The following UST variants were observed in gnomAD, a reference collection of about 807,000 sequenced individuals.
UST encodes the protein uronyl 2-sulfotransferase.
UST carries 21 observed loss-of-function variants against 45.6 expected under a neutral mutation model. The observed-to-expected ratio is 0.46, with a 90% CI of 0.33 to 0.66. The LOEUF is 0.66. Among genes scored for constraint, UST ranks in the 30% least tolerant of loss-of-function variants. The pLI, the probability that UST is intolerant of heterozygous loss-of-function variation, is 0.02. For missense variants in UST, 463 were observed against 512.4 expected (o/e 0.90, Z 0.93); for synonymous variants, 215 against 200.6 (o/e 1.07, Z -0.61).
At chr6:148,818,527 A>G (rs562846597) in intron 1 of UST, among the ~76,000 whole-genome samples, 5 of 152,342 alleles carry the variant, frequency 3.3e-5, no homozygotes, top group African/African-American at 7.2e-5. Context: ...TGGTTCCAAC[A>G]TTTTAATGAG....
At chr6:148,882,699 G>A (rs1217353323) in intron 1 of UST, among the ~76,000 whole-genome samples, 1 of 152,102 alleles carries the variant, frequency 6.6e-6, no homozygotes, top group Non-Finnish European at 1.5e-5. Flanking sequence ...CAGCCTGTAT[G>A]GGTTTGAATT....
chr6:149,051,646 T>G (rs181495896), intron 7 of UST, among the ~76,000 whole-genome samples: 2 of 152,364 alleles, frequency 1.3e-5, no homozygotes, highest in East Asian at 1.9e-4. Context: ...GCACAGTTCC[T>G]GATCTCAGCA....
intron 2 of UST, among the ~76,000 whole-genome samples, chr6:148,915,847 G>T (rs915026707): frequency 6.6e-6 from 1 of 152,198 alleles, no homozygotes; most frequent in South Asian, 2.1e-4. Flanking sequence ...GTTTGCCCAA[G>T]AAGAAGCAGG....
chr6:148,849,615 A>G lies in UST; in HGVS notation c.248-37371A>G, dbSNP rs184239977. Reference sequence around the variant, plus strand: ...ACTGGGGAGGCCTCAGAAAACTACAATCATGGTGGAAGGTGCCTTTTTACA... The same window carrying G: ...ACTGGGGAGGCCTCAGAAAACTACAGTCATGGTGGAAGGTGCCTTTTTACA... On this transcript the variant is annotated intron_variant, in intron 1 of 7. Transcript: ENST00000367463. 2.6e-4 allele frequency among the ~76,000 whole-genome samples: 40 copies of G among 152,308 alleles called. 1 individual carries two copies. In the East Asian group the frequency reaches 7.1e-3, roughly 27 times the overall value.
chr6:148,929,810 G>C (rs1779888072), intron 2 of UST, among the ~76,000 whole-genome samples: 1 of 152,102 alleles, frequency 6.6e-6, no homozygotes, highest in Non-Finnish European at 1.5e-5. Context: ...CTGCTGTGTT[G>C]CTATGCTCAG....
At chr6:149,005,352 A>G in intron 5 of UST, 1 of 985,460 alleles carries the variant, frequency 1.0e-6, no homozygotes, top group Non-Finnish European at 1.2e-6. Context: ...TGTAGAGGAA[A>G]GAAGACTCCA....
At chr6:149,033,937 T>G (rs765910762) in intron 7 of UST, among the ~76,000 whole-genome samples, 1 of 152,194 alleles carries the variant, frequency 6.6e-6, no homozygotes, top group Non-Finnish European at 1.5e-5. Flanking sequence ...CCAATCACTT[T>G]CAGCGCAGCT....
intron 7 of UST, among the ~76,000 whole-genome samples, chr6:149,023,468 C>T (rs1776009409): frequency 6.6e-6 from 1 of 152,178 alleles, no homozygotes; most frequent in South Asian, 2.1e-4. Flanking sequence ...CATGAGAGAT[C>T]CCAAGCCAGG....
At chr6:148,829,224 C>T (rs1173198970) in intron 1 of UST, among the ~76,000 whole-genome samples, 1 of 152,118 alleles carries the variant, frequency 6.6e-6, no homozygotes, top group Non-Finnish European at 1.5e-5. Flanking sequence ...CCATGTTTCA[C>T]ATTGCTAGAG....
chr6:148,764,783 A>C (rs936512753), intron 1 of UST, among the ~76,000 whole-genome samples: 7 of 152,222 alleles, frequency 4.6e-5, no homozygotes, highest in Non-Finnish European at 8.8e-5. Flanking sequence ...GGTCAGGGCG[A>C]AACTAGAATC....
At chr6:148,776,708 C>T (rs1428734096) in intron 1 of UST, among the ~76,000 whole-genome samples, 1 of 152,014 alleles carries the variant, frequency 6.6e-6, no homozygotes, top group Non-Finnish European at 1.5e-5. Flanking sequence ...TTTTCTTTAA[C>T]CATTTGTTGG....
chr6:148,884,502 G>A (rs181329506), intron 1 of UST, among the ~76,000 whole-genome samples: 3 of 152,302 alleles, frequency 2.0e-5, no homozygotes, highest in African/African-American at 7.2e-5. Context: ...TTCTGGAAGA[G>A]GATAGAGCCA....
chr6:148,858,730 G>T (rs928646061), intron 1 of UST, among the ~76,000 whole-genome samples: 1 of 152,022 alleles, frequency 6.6e-6, no homozygotes, highest in Non-Finnish European at 1.5e-5. Flanking sequence ...TCCCACCTAT[G>T]AGTGAGAACA....
chr6:148,824,959 T>C (rs897702092), intron 1 of UST, among the ~76,000 whole-genome samples: 1 of 150,558 alleles, frequency 6.6e-6, no homozygotes. Flanking sequence ...GATAGTTTAC[T>C]GAGAATGATG....
At chr6:148,826,652 T>C (rs1018642945) in intron 1 of UST, among the ~76,000 whole-genome samples, 1 of 152,366 alleles carries the variant, frequency 6.6e-6, no homozygotes, top group Non-Finnish European at 1.5e-5. Context: ...ATTAGTTTTC[T>C]ATGCTGCTGT....
chr6:148,948,724 CAAGAA>C (rs1490451673), intron 3 of UST, among the ~76,000 whole-genome samples: 1 of 152,110 alleles, frequency 6.6e-6, no homozygotes, highest in African/African-American at 2.4e-5. Context: ...CAGCACATCA[CAAGAA>C]AAGAAGAAAA....
intron 2 of UST, among the ~76,000 whole-genome samples, chr6:148,906,294 G>T (rs1308681242): frequency 6.6e-6 from 1 of 152,188 alleles, no homozygotes; most frequent in African/African-American, 2.4e-5. Context: ...ATATACCAGT[G>T]AAGTGGTATG....
chr6:148,851,357 A>G (rs1778101124), intron 1 of UST, among the ~76,000 whole-genome samples: 1 of 152,210 alleles, frequency 6.6e-6, no homozygotes, highest in African/African-American at 2.4e-5. Flanking sequence ...TATAAAAGCA[A>G]TTTGGACATC....
At chr6:148,760,651 G>GA (rs572214567) in intron 1 of UST, among the ~76,000 whole-genome samples, 25 of 138,412 alleles carry the variant, frequency 1.8e-4, no homozygotes, top group South Asian at 4.5e-4. Flanking sequence ...AAACCACAAA[G>GA]AAAAAAAAAA....
Sources: allele counts gnomAD v4.1 joint callset (sites outside exome capture counted in the v4.1 genomes callset), GRCh38; gene constraint gnomAD v4.1.1; transcripts MANE v1.5; gene names NCBI Gene and HGNC (gene_info 2026-07-23, HGNC 2026-07-21).